Variants in FMN1 observed in about 807,000 individuals in gnomAD.
The protein encoded by FMN1 is formin 1, also known as formin-1.
In FMN1, 110 loss-of-function variants were observed where a neutral mutation model predicts 132.4. The ratio of observed to expected loss-of-function variants is 0.83; its 90% CI spans 0.71 to 0.97. The LOEUF (loss-of-function observed/expected upper bound fraction) is 0.97. Ranked by LOEUF, FMN1 falls within the 50% of genes least tolerant of loss-of-function variation. The pLI is 0.00. For missense variants in FMN1, 1,792 were observed against 1,705.3 expected (o/e 1.05, Z -0.90); for synonymous variants, 722 against 651.7 (o/e 1.11, Z -1.64).
chr15:32,822,929 A>G (rs2058257586), intron 17 of FMN1, among the ~76,000 whole-genome samples: 1 of 151,826 alleles, frequency 6.6e-6, no homozygotes, highest in Non-Finnish European at 1.5e-5. Context: ...TCTGTTGTTG[A>G]TTCTGGACAC....
chr15:32,900,636 T>A (rs2060271857), intron 13 of FMN1, among the ~76,000 whole-genome samples: 2 of 152,372 alleles, frequency 1.3e-5, no homozygotes, highest in Admixed American at 1.3e-4. Context: ...TAATGCATTT[T>A]AAGGCTGTAG....
chr15:33,010,857 A>C (rs1448806035), intron 6 of FMN1, among the ~76,000 whole-genome samples: 1 of 151,980 alleles, frequency 6.6e-6, no homozygotes, highest in Non-Finnish European at 1.5e-5. Flanking sequence ...ATATGTAAAG[A>C]CCTCATATAA....
intron 16 of FMN1, chr15:32,860,896 G>C (rs1432803894): frequency 6.6e-6 from 1 of 152,116 alleles, no homozygotes; most frequent in Non-Finnish European, 1.5e-5. Flanking sequence ...GGTAACAAAG[G>C]TAACAAAGAT....
intron 16 of FMN1, among the ~76,000 whole-genome samples, chr15:32,869,740 G>A (rs758459506): frequency 1.4e-4 from 22 of 152,288 alleles, no homozygotes; most frequent in Non-Finnish European, 2.6e-4. Context: ...GTAGGAAAGT[G>A]AAGGTCTGGA....
intron 14 of FMN1, 72 bp downstream of exon 14, chr15:32,899,906 AC>A: frequency 7.0e-7 from 1 of 1,436,862 alleles, no homozygotes; most frequent in South Asian, 1.2e-5. Context: ...AATCTGGAAT[AC>A]GTTTTTTAAA....
intron 10 of FMN1, among the ~76,000 whole-genome samples, chr15:32,917,765 C>T (rs2060719272): frequency 6.6e-6 from 1 of 152,068 alleles, no homozygotes; most frequent in Non-Finnish European, 1.5e-5. Flanking sequence ...AAAATCCTTA[C>T]CATCTAAAAA....
intron 3 of FMN1, among the ~76,000 whole-genome samples, chr15:33,167,113 T>C (rs1965139356): frequency 1.3e-5 from 2 of 152,138 alleles, no homozygotes; most frequent in African/African-American, 2.4e-5. Flanking sequence ...GAGATGACAT[T>C]AGCCAATGAT....
At chr15:32,901,866 A>C (rs1330982175) in intron 13 of FMN1, 45 bp downstream of exon 13, 4 of 1,533,274 alleles carry the variant, frequency 2.6e-6, no homozygotes, top group Non-Finnish European at 3.5e-6. Flanking sequence ...TTTCTTCTTT[A>C]CTCTTCAGAG....
rs566319881 is a variant in FMN1, at chr15:32,867,094, G to A, written c.3836-9987C>T. ...GCTAGCCCACAGTTTCACCTCCTAC[G>A]GAACTCCTGAATTCATTACTCTTCA... On this transcript the variant is annotated intron_variant, in intron 16 of 20. Coordinates refer to ENST00000616417, the MANE Select transcript of FMN1 (RefSeq NM_001277313.2). 1.1e-4 allele frequency among the ~76,000 whole-genome samples: 17 copies of A among 152,206 alleles called. No individual in the cohort carries two copies. In the South Asian group the frequency reaches 2.3e-3, roughly 20 times the overall value.
intron 17 of FMN1, among the ~76,000 whole-genome samples, chr15:32,817,028 A>G (rs779339822): frequency 2.6e-5 from 4 of 152,062 alleles, no homozygotes; most frequent in Non-Finnish European, 4.4e-5. Context: ...AACTAAGAGA[A>G]GAAAGAAGCC....
chr15:33,082,376 GT>G (rs777231737), intron 5 of FMN1, among the ~76,000 whole-genome samples: 1 of 152,092 alleles, frequency 6.6e-6, no homozygotes. Context: ...TTTCCAGAGA[GT>G]ACTGCCACCA....
At chr15:32,875,186 C>G (rs1318059544) in intron 16 of FMN1, among the ~76,000 whole-genome samples, 4 of 152,168 alleles carry the variant, frequency 2.6e-5, no homozygotes, top group Non-Finnish European at 2.9e-5. Context: ...CTCATCTTAC[C>G]CTATGAAAGT....
intron 5 of FMN1, among the ~76,000 whole-genome samples, chr15:33,077,858 A>G (rs2038283715): frequency 6.6e-6 from 1 of 152,172 alleles, no homozygotes; most frequent in South Asian, 2.1e-4. Context: ...AAAAGAAGAT[A>G]TTTATGCAGC....
intron 16 of FMN1, among the ~76,000 whole-genome samples, chr15:32,863,450 T>A (rs187613516): frequency 5.9e-5 from 9 of 151,932 alleles, no homozygotes; most frequent in Non-Finnish European, 1.3e-4. Flanking sequence ...AATAAATAAA[T>A]AAAATAAAAT....
At chr15:32,878,040 A>G (rs968732912) in intron 16 of FMN1, among the ~76,000 whole-genome samples, 7 of 152,230 alleles carry the variant, frequency 4.6e-5, no homozygotes, top group Non-Finnish European at 8.8e-5. Flanking sequence ...TGAATATGTG[A>G]AAGTAATATG....
chr15:33,085,092 A>AT (rs549133779), intron 5 of FMN1, among the ~76,000 whole-genome samples: 3 of 152,068 alleles, frequency 2.0e-5, no homozygotes, highest in Admixed American at 6.5e-5. Flanking sequence ...ACAGCAGGCT[A>AT]TTTTTTTCTT....
chr15:33,103,242 C>G (rs527997990), intron 4 of FMN1, among the ~76,000 whole-genome samples: 48 of 152,152 alleles, frequency 3.2e-4, no homozygotes, highest in Middle Eastern at 6.8e-3. Context: ...GACTCTGTAG[C>G]AGAACAGTTT....
chr15:32,919,633 G>C (rs2060771934), intron 10 of FMN1, among the ~76,000 whole-genome samples: 2 of 152,020 alleles, frequency 1.3e-5, no homozygotes, highest in South Asian at 4.1e-4. Flanking sequence ...TTAGAAAATA[G>C]ACCTTGAGAA....
chr15:32,904,826 G>C (rs192095347), intron 12 of FMN1, among the ~76,000 whole-genome samples: 38 of 152,292 alleles, frequency 2.5e-4, no homozygotes, highest in Admixed American at 1.2e-3. Context: ...GGGTTACTTT[G>C]AAGGCTGTGA....
Sources: allele counts gnomAD v4.1 joint callset (sites outside exome capture counted in the v4.1 genomes callset), GRCh38; gene constraint gnomAD v4.1.1; transcripts MANE v1.5; gene names NCBI Gene and HGNC (gene_info 2026-07-23, HGNC 2026-07-21).